KCNK2: variants seen among roughly 807,000 people sequenced by gnomAD.
The protein encoded by KCNK2 is potassium channel subfamily K member 2.
KCNK2 carries 21 observed loss-of-function variants against 40.5 expected under a neutral mutation model. That is an observed-to-expected ratio of 0.52 (90% confidence interval 0.37 to 0.75). The LOEUF (loss-of-function observed/expected upper bound fraction) is 0.75. Ranked by LOEUF, KCNK2 falls within the 30% of genes least tolerant of loss-of-function variation. KCNK2 has a pLI of 0.00. For synonymous variants in KCNK2, 191 were observed against 202.2 expected, an observed-to-expected ratio of 0.94 and a Z score of 0.47; for missense variants, 399 against 531.6, an observed-to-expected ratio of 0.75 and a Z score of 2.45.
chr1:215,077,134 G>A lies in KCNK2; in HGVS notation c.35-9234G>A, dbSNP rs1253092496. Among the ~76,000 whole-genome samples the A allele has an allele frequency of 7.9e-5, 12 of 152,272 alleles. No individual in the cohort carries two copies. In the South Asian group the frequency reaches 2.3e-3, roughly 29 times the overall value. Reference sequence around the variant, plus strand: ...ATAGGCCCATGCCTGAACCAGTTGAGAAGCTGAGAAATTCTGACTATATTG... The same window carrying A: ...ATAGGCCCATGCCTGAACCAGTTGAAAAGCTGAGAAATTCTGACTATATTG... On this transcript the variant is annotated intron_variant, in intron 1 of 6. Transcript: ENST00000391895.
intron 2 of KCNK2, among the ~76,000 whole-genome samples, chr1:215,106,509 G>T (rs1471382298): frequency 6.6e-6 from 1 of 152,006 alleles, no homozygotes; most frequent in Non-Finnish European, 1.5e-5. Context: ...TGCATGGTTT[G>T]AGAATATTTT....
intron 2 of KCNK2, among the ~76,000 whole-genome samples, chr1:215,116,766 A>C (rs1378272336): frequency 6.6e-6 from 1 of 152,068 alleles, no homozygotes; most frequent in Admixed American, 6.6e-5. Flanking sequence ...TATTTTTATA[A>C]AGTCTTCATG....
At chr1:215,232,346 T>C (rs974542466) in intron 6 of KCNK2, among the ~76,000 whole-genome samples, 1 of 152,188 alleles carries the variant, frequency 6.6e-6, no homozygotes, top group African/African-American at 2.4e-5. Context: ...CAAAACAATG[T>C]GTGTACTATA....
chr1:215,103,325 C>G (rs923971958), intron 2 of KCNK2, among the ~76,000 whole-genome samples: 1 of 151,452 alleles, frequency 6.6e-6, no homozygotes, highest in South Asian at 2.1e-4. Context: ...TGGTAGAGCT[C>G]TTTATTTCTG....
At chr1:215,007,218 T>C (rs1393388235) in intron 1 of KCNK2, among the ~76,000 whole-genome samples, 1 of 104,104 alleles carries the variant, frequency 9.6e-6, no homozygotes. Context: ...TATATATATA[T>C]ATATATATAG....
At chr1:215,187,480 G>A (rs1022985844) in intron 5 of KCNK2, among the ~76,000 whole-genome samples, 17 of 151,160 alleles carry the variant, frequency 1.1e-4, no homozygotes, top group African/African-American at 3.6e-4. Context: ...TTAATTATAC[G>A]GTAATGTATG....
At chr1:215,106,798 C>T (rs1660457478) in intron 2 of KCNK2, among the ~76,000 whole-genome samples, 2 of 152,130 alleles carry the variant, frequency 1.3e-5, no homozygotes, top group Admixed American at 6.6e-5. Context: ...CATTCATCTG[C>T]ATATGGCTAG....
At chr1:215,103,626 C>T (rs888713362) in intron 2 of KCNK2, among the ~76,000 whole-genome samples, 1 of 152,096 alleles carries the variant, frequency 6.6e-6, no homozygotes, top group Non-Finnish European at 1.5e-5. Context: ...AAATCTATTT[C>T]ATGAGGGTAA....
At chr1:215,178,034 T>C (rs577735171) in intron 5 of KCNK2, among the ~76,000 whole-genome samples, 6 of 152,174 alleles carry the variant, frequency 3.9e-5, no homozygotes, top group African/African-American at 1.4e-4. Context: ...CTATTTTTTG[T>C]GTTACCTATA....
chr1:215,075,991 G>C (rs796888139), intron 1 of KCNK2, among the ~76,000 whole-genome samples: 44 of 152,338 alleles, frequency 2.9e-4, no homozygotes, highest in African/African-American at 1.0e-3. Context: ...GTGCTCTAAC[G>C]ATCCCTGGAG....
At chr1:215,072,456 A>G (rs1658791830) in intron 1 of KCNK2, among the ~76,000 whole-genome samples, 1 of 152,204 alleles carries the variant, frequency 6.6e-6, no homozygotes, top group African/African-American at 2.4e-5. Flanking sequence ...AACAATGTTT[A>G]TTTTTTAAAA....
chr1:215,173,482 C>A (rs988041124), intron 5 of KCNK2, among the ~76,000 whole-genome samples: 6 of 152,134 alleles, frequency 3.9e-5, no homozygotes, highest in Admixed American at 1.3e-4. Flanking sequence ...TGGGTATATA[C>A]CCAGTAATGG....
intron 4 of KCNK2, among the ~76,000 whole-genome samples, chr1:215,169,586 A>G (rs1220958454): frequency 6.6e-6 from 1 of 152,054 alleles, no homozygotes; most frequent in Non-Finnish European, 1.5e-5. Context: ...TAAACAGAAA[A>G]AAGTAGGAAT....
At chr1:215,030,788 C>T (rs570307140) in intron 1 of KCNK2, among the ~76,000 whole-genome samples, 1 of 151,112 alleles carries the variant, frequency 6.6e-6, no homozygotes, top group Admixed American at 6.6e-5. Context: ...CTCAAGTGAT[C>T]TGTCCACTTC....
chr1:215,110,727 A>G (rs1303907302), intron 2 of KCNK2, among the ~76,000 whole-genome samples: 1 of 143,252 alleles, frequency 7.0e-6, no homozygotes, highest in Non-Finnish European at 1.6e-5. Flanking sequence ...CAGAAAGTGC[A>G]GTGATTTCCC....
At chr1:215,106,095 G>A (rs1219454171) in intron 2 of KCNK2, among the ~76,000 whole-genome samples, 1 of 152,016 alleles carries the variant, frequency 6.6e-6, no homozygotes, top group Non-Finnish European at 1.5e-5. Flanking sequence ...TTTCCTTTGG[G>A]TAAATACCTA....
At chr1:215,029,035 T>C (rs1657092770) in intron 1 of KCNK2, among the ~76,000 whole-genome samples, 1 of 151,782 alleles carries the variant, frequency 6.6e-6, no homozygotes, top group African/African-American at 2.4e-5. Context: ...ATTTCCCACA[T>C]ACCCTTTACC....
intron 2 of KCNK2, among the ~76,000 whole-genome samples, chr1:215,112,488 T>A (rs2102564768): frequency 6.6e-6 from 1 of 152,218 alleles, no homozygotes; most frequent in South Asian, 2.1e-4. Flanking sequence ...AAGTGAAAAA[T>A]TTACAATTAG....
At chr1:215,037,226 T>G (rs1657419209) in intron 1 of KCNK2, among the ~76,000 whole-genome samples, 1 of 151,900 alleles carries the variant, frequency 6.6e-6, no homozygotes, top group African/African-American at 2.4e-5. Flanking sequence ...CTGAGAGCTT[T>G]TTCTTTGTGA....
Sources: gnomAD v4.1 joint callset for allele counts (sites outside exome capture counted in the v4.1 genomes callset) on GRCh38, gnomAD v4.1.1 for gene constraint, MANE v1.5 for transcripts, NCBI Gene and HGNC (gene_info 2026-07-23, HGNC 2026-07-21) for gene names.